Variants in CEMIP observed in about 807,000 individuals in gnomAD.
CEMIP encodes cell migration inducing hyaluronidase 1, also known as cell migration-inducing and hyaluronan-binding protein.
CEMIP carries 105 observed loss-of-function variants against 156.9 expected under a neutral mutation model. The ratio of observed to expected loss-of-function variants is 0.67; its 90% CI spans 0.57 to 0.79. The LOEUF is 0.79. Among genes scored for constraint, CEMIP ranks in the 30% least tolerant of loss-of-function variants. The pLI, the probability that CEMIP is intolerant of heterozygous loss-of-function variation, is 0.00. For synonymous variants in CEMIP, 676 were observed against 668.4 expected, an observed-to-expected ratio of 1.01 and a Z score of -0.17; for missense variants, 1,457 against 1,769.4, an observed-to-expected ratio of 0.82 and a Z score of 3.17.
rs749872050 is a variant in CEMIP at position 80,920,172 on chromosome 15, G to T, written c.1876G>T (p.Asp626Tyr). Residue 626 changes from aspartate to tyrosine, a missense_variant, in exon 15 of 30, where the codon GAC (aspartate) becomes TAC (tyrosine). Around this residue, in one of 5 missense-constraint regions of CEMIP, gnomAD observed 798 missense variants for 980.1 expected, o/e 0.81. Transcript: ENST00000394685. ...TGGGCCGGAGGAACGCAACACTTTT[G>T]ACCACTGTCTTGGCCTCCTTGTCAA... ...EDGPEERNTFDHCLGLLVKSG... is the reference protein window; with the variant it reads ...EDGPEERNTFYHCLGLLVKSG... 5.7e-5 allele frequency: 92 copies of T among 1,614,114 alleles called. No individual in the cohort carries two copies. Among genetic ancestry groups the T allele is most frequent in the Non-Finnish European group, 7.6e-5 (90 of 1,180,020 alleles).
chr15:80,925,279 G>GTGGAAGAGCTGGGTA (rs1231172383), intron 18 of CEMIP, among the ~76,000 whole-genome samples: 6 of 152,252 alleles, frequency 3.9e-5, no homozygotes, highest in African/African-American at 1.4e-4. Context: ...CTGCCAGTTA[G>GTGGAAGAGCTGGGTA]TGGAAGAGCT....
At chr15:80,812,964 C>G (rs1896704866) in intron 1 of CEMIP, among the ~76,000 whole-genome samples, 2 of 152,208 alleles carry the variant, frequency 1.3e-5, no homozygotes, top group African/African-American at 4.8e-5. Flanking sequence ...ATCCCTACAC[C>G]AGCATCGTGC....
At chr15:80,846,020 C>T (rs1002768959) in intron 1 of CEMIP, among the ~76,000 whole-genome samples, 1 of 152,220 alleles carries the variant, frequency 6.6e-6, no homozygotes, top group African/African-American at 2.4e-5. Flanking sequence ...CCCTCAACAT[C>T]ACTTCCAGGC....
At position 80,942,970 on chromosome 15, in the gene CEMIP, C is replaced by T. The variant is rs143051587; in HGVS notation, c.3725C>T (p.Ser1242Leu). ...GTGGATGGGAAGAAGTACCCCAGTT[C>T]GGAGGATGGCATCCAGGTGGTGGTG... is the stretch of plus-strand genomic sequence containing the variant. ...IEVDGKKYPS[S>L]EDGIQVVVID... is the part of the protein sequence containing the mutation. The change falls in exon 28 of 30, where the codon TCG becomes TTG. Residue 1242 changes from serine (S) to leucine (L), a missense_variant. Ser to Leu is a moderately radical substitution (Grantham distance 145). Coordinates refer to ENST00000394685, the MANE Select transcript of CEMIP (RefSeq NM_001293298.2). The T allele has an allele frequency of 3.1e-5, 50 of 1,614,182 alleles. No individual in the cohort carries two copies. Among genetic ancestry groups the T allele is most frequent in the Admixed American group, 2.7e-4 (16 of 60,022 alleles).
chr15:80,811,202 C>T (rs183170571), intron 1 of CEMIP, among the ~76,000 whole-genome samples: 33 of 152,218 alleles, frequency 2.2e-4, no homozygotes, highest in Non-Finnish European at 1.0e-4. Flanking sequence ...AGCCCAAAGT[C>T]GGGTAGGAAA....
intron 1 of CEMIP, among the ~76,000 whole-genome samples, chr15:80,799,248 T>C (rs1896312958): frequency 6.6e-6 from 1 of 152,226 alleles, no homozygotes; most frequent in Non-Finnish European, 1.5e-5. Context: ...AAGTGAGGAT[T>C]AGCCCAGAGT....
chr15:80,902,781 A>G (rs1404898495), intron 12 of CEMIP, among the ~76,000 whole-genome samples: 1 of 152,074 alleles, frequency 6.6e-6, no homozygotes, highest in Non-Finnish European at 1.5e-5. Flanking sequence ...ACCAACTCCC[A>G]TTATTATAGG....
At chr15:80,818,865 C>A (rs1439961201) in intron 1 of CEMIP, among the ~76,000 whole-genome samples, 1 of 152,182 alleles carries the variant, frequency 6.6e-6, no homozygotes, top group Non-Finnish European at 1.5e-5. Flanking sequence ...CTTAATCAAT[C>A]GCATCGCTCA....
At position 80,837,024 on chromosome 15, in the gene CEMIP, C is replaced by G. The variant is rs528732259; in HGVS notation, c.-175-36514C>G. On this transcript the variant is annotated intron_variant, in intron 1 of 29. Coordinates refer to ENST00000394685, the MANE Select transcript of CEMIP (RefSeq NM_001293298.2). The stretch of plus-strand genomic sequence containing the variant: ...AGAGCTGGCCCCAGAACCACTCTCC[C>G]CTTCACTGGGAACAGACCCACATCC... 3.3e-5 allele frequency among the ~76,000 whole-genome samples: 5 copies of G among 152,328 alleles called. No individual in the cohort carries two copies. In the East Asian group the frequency reaches 9.6e-4, roughly 29 times the overall value.
intron 1 of CEMIP, among the ~76,000 whole-genome samples, chr15:80,873,262 G>A (rs1898356405): frequency 6.6e-6 from 1 of 152,148 alleles, no homozygotes. Context: ...AGCTATCTTT[G>A]CTACATCTTC....
chr15:80,869,141 C>T (rs1004322032), intron 1 of CEMIP, among the ~76,000 whole-genome samples: 3 of 152,172 alleles, frequency 2.0e-5, no homozygotes, highest in Admixed American at 6.5e-5. Context: ...ATGGTCTCTC[C>T]TTTGTGTCTG....
chr15:80,861,381 T>C (rs1897983370), intron 1 of CEMIP, among the ~76,000 whole-genome samples: 1 of 152,216 alleles, frequency 6.6e-6, no homozygotes, highest in Admixed American at 6.5e-5. Flanking sequence ...AACTTTGCAC[T>C]GAAGGTGCTT....
At chr15:80,816,941 AT>A (rs1306938885) in intron 1 of CEMIP, among the ~76,000 whole-genome samples, 1 of 152,120 alleles carries the variant, frequency 6.6e-6, no homozygotes, top group Non-Finnish European at 1.5e-5. Flanking sequence ...CAGAGATCTT[AT>A]TTATATGCCT....
chr15:80,877,525 T>C (rs772924469), intron 3 of CEMIP, among the ~76,000 whole-genome samples: 78 of 152,246 alleles, frequency 5.1e-4, no homozygotes, highest in Non-Finnish European at 1.9e-4. Context: ...AGGAGGGCAC[T>C]GGGGCTTGTT....
At chr15:80,913,945 G>A (rs547837203) in intron 14 of CEMIP, among the ~76,000 whole-genome samples, 35 of 152,356 alleles carry the variant, frequency 2.3e-4, no homozygotes, top group African/African-American at 7.9e-4. Flanking sequence ...CTGGTGTTCC[G>A]TAACACAGTT....
At chr15:80,875,607 G>T (rs1456262500) in intron 3 of CEMIP, among the ~76,000 whole-genome samples, 2 of 152,134 alleles carry the variant, frequency 1.3e-5, no homozygotes, top group East Asian at 3.9e-4. Flanking sequence ...CTGAGCCTCT[G>T]GTTCCCTCTG....
At chr15:80,884,038 AG>A (rs1898750446) in intron 6 of CEMIP, 136 bp from the exon 7 acceptor site, 7 of 857,852 alleles carry the variant, frequency 8.2e-6, no homozygotes, top group East Asian at 2.4e-5. Flanking sequence ...TTTAAAGAAA[AG>A]GCTTCCTTCT....
intron 1 of CEMIP, among the ~76,000 whole-genome samples, chr15:80,834,853 C>A (rs576663986): frequency 3.2e-4 from 49 of 151,950 alleles, no homozygotes; most frequent in African/African-American, 9.9e-4. Flanking sequence ...GAAAAAAAAC[C>A]AAATATTTAC....
chr15:80,918,570 A>G (rs991821148), intron 14 of CEMIP, among the ~76,000 whole-genome samples: 4 of 152,194 alleles, frequency 2.6e-5, no homozygotes, highest in African/African-American at 9.7e-5. Context: ...TGGATTTTCC[A>G]GTGCTTGGCA....
Sources: gnomAD v4.1 joint callset for allele counts (sites outside exome capture counted in the v4.1 genomes callset) on GRCh38, gnomAD v4.1.1 for gene constraint, gnomAD v4.1.1 regional missense constraint, MANE v1.5 for transcripts, NCBI Gene and HGNC (gene_info 2026-07-23, HGNC 2026-07-21) for gene names.